Variants in CDH12 observed in about 807,000 individuals in gnomAD.
The protein encoded by CDH12 is cadherin 12.
CDH12 carries 41 observed loss-of-function variants against 74.1 expected under a neutral mutation model. That is an observed-to-expected ratio of 0.55 (90% CI 0.43 to 0.72). The LOEUF is 0.72. CDH12 is among the 30% of genes least tolerant of loss of function. The pLI, the probability that CDH12 is intolerant of heterozygous loss-of-function variation, is 0.00. For missense variants in CDH12, 945 were observed against 977.2 expected, an observed-to-expected ratio of 0.97 and a Z score of 0.44; for synonymous variants, 399 against 355.0, an observed-to-expected ratio of 1.12 and a Z score of -1.39.
At chr5:22,784,514 A>C (rs529019197) in intron 1 of CDH12, among the ~76,000 whole-genome samples, 22 of 152,206 alleles carry the variant, frequency 1.4e-4, no homozygotes, top group African/African-American at 5.3e-4. Flanking sequence ...TAAATTGGTC[A>C]CCACTAACTG....
intron 3 of CDH12, among the ~76,000 whole-genome samples, chr5:22,357,525 A>C (rs1464173951): frequency 6.6e-6 from 1 of 152,146 alleles, no homozygotes; most frequent in Non-Finnish European, 1.5e-5. Context: ...CTAATGAAGG[A>C]ATGGAGAAAA....
chr5:22,788,609 A>C (rs1747758928), intron 1 of CDH12, among the ~76,000 whole-genome samples: 2 of 148,220 alleles, frequency 1.3e-5, no homozygotes, highest in Admixed American at 1.4e-4. Flanking sequence ...AATACATGAA[A>C]TATATTAATA....
chr5:22,145,167 G>A (rs969308425), intron 4 of CDH12, among the ~76,000 whole-genome samples: 5 of 152,064 alleles, frequency 3.3e-5, no homozygotes, highest in Non-Finnish European at 4.4e-5. Flanking sequence ...TGCATTGTGT[G>A]AGAAAATAGC....
At chr5:21,957,892 T>C (rs2150107436) in intron 6 of CDH12, among the ~76,000 whole-genome samples, 1 of 152,302 alleles carries the variant, frequency 6.6e-6, no homozygotes, top group Non-Finnish European at 1.5e-5. Context: ...AATAGTTTCT[T>C]TTGCTATGCA....
At chr5:22,828,132 C>G (rs1039765722) in intron 1 of CDH12, among the ~76,000 whole-genome samples, 16 of 152,124 alleles carry the variant, frequency 1.1e-4, no homozygotes, top group African/African-American at 3.1e-4. Flanking sequence ...GGCAAATAAT[C>G]TGATTAGAAA....
At chr5:22,137,867 G>A (rs557498638) in intron 4 of CDH12, among the ~76,000 whole-genome samples, 10 of 152,198 alleles carry the variant, frequency 6.6e-5, no homozygotes, top group South Asian at 2.1e-4. Context: ...AATTTCTCTG[G>A]ATAACCTCTT....
chr5:22,173,626 G>A (rs535972313), intron 4 of CDH12, among the ~76,000 whole-genome samples: 1 of 151,574 alleles, frequency 6.6e-6, no homozygotes, highest in African/African-American at 2.4e-5. Context: ...CTTTCTATGA[G>A]ATGGTATGAT....
At chr5:22,383,037 GGC>G (rs1357681797) in intron 3 of CDH12, among the ~76,000 whole-genome samples, 1 of 151,992 alleles carries the variant, frequency 6.6e-6, no homozygotes, top group Non-Finnish European at 1.5e-5. Flanking sequence ...TCACTATGTT[GGC>G]CAGGCTGGTC....
At chr5:22,392,356 C>G (rs1400770697) in intron 3 of CDH12, among the ~76,000 whole-genome samples, 1 of 152,146 alleles carries the variant, frequency 6.6e-6, no homozygotes, top group Non-Finnish European at 1.5e-5. Context: ...AAAGCTAACA[C>G]TTGACCCCCA....
chr5:22,549,871 G>A (rs1738495104), intron 1 of CDH12, among the ~76,000 whole-genome samples: 1 of 152,160 alleles, frequency 6.6e-6, no homozygotes, highest in South Asian at 2.1e-4. Context: ...GGTCTCATAT[G>A]TGAGCTCCTC....
intron 13 of CDH12, among the ~76,000 whole-genome samples, chr5:21,759,310 T>G (rs1161082066): frequency 1.3e-5 from 2 of 152,062 alleles, no homozygotes; most frequent in African/African-American, 4.8e-5. Flanking sequence ...AGACAAATTT[T>G]ACACAAATTT....
intron 8 of CDH12, among the ~76,000 whole-genome samples, chr5:21,841,276 A>G (rs1343199528): frequency 6.6e-6 from 1 of 152,024 alleles, no homozygotes; most frequent in African/African-American, 2.4e-5. Flanking sequence ...ATCACTGGCC[A>G]TCAGAGAAAT....
intron 4 of CDH12, among the ~76,000 whole-genome samples, chr5:22,179,071 G>T (rs1222841506): frequency 1.3e-5 from 2 of 152,186 alleles, no homozygotes; most frequent in African/African-American, 2.4e-5. Context: ...GGATTAAAAT[G>T]ATCTCATAAA....
intron 1 of CDH12, among the ~76,000 whole-genome samples, chr5:22,806,245 C>T (rs180837317): frequency 1.3e-5 from 2 of 152,108 alleles, no homozygotes; most frequent in Admixed American, 1.3e-4. Flanking sequence ...CTGTCTTCCA[C>T]AATGGTTGAA....
chr5:21,846,622 C>A (rs1431318381), intron 7 of CDH12, among the ~76,000 whole-genome samples: 2 of 152,014 alleles, frequency 1.3e-5, no homozygotes, highest in Non-Finnish European at 2.9e-5. Flanking sequence ...ATTTTATTCT[C>A]ATTTTTTTCT....
At chr5:22,818,555 C>G (rs1749506970) in intron 1 of CDH12, among the ~76,000 whole-genome samples, 1 of 152,074 alleles carries the variant, frequency 6.6e-6, no homozygotes. Flanking sequence ...TGAAGAGGGA[C>G]AAGCAATGAC....
intron 2 of CDH12, among the ~76,000 whole-genome samples, chr5:22,504,732 C>T (rs994566790): frequency 1.3e-5 from 2 of 151,944 alleles, no homozygotes; most frequent in Non-Finnish European, 2.9e-5. Flanking sequence ...CAATTGCCAG[C>T]GCAAGAAACA....
intron 4 of CDH12, among the ~76,000 whole-genome samples, chr5:22,107,134 T>C (rs1405644330): frequency 2.3e-5 from 3 of 128,134 alleles, no homozygotes; most frequent in Middle Eastern, 3.6e-3. Context: ...ACATTTCTAC[T>C]TTTTTTTTTT....
intron 2 of CDH12, among the ~76,000 whole-genome samples, chr5:22,411,681 C>CAG (rs1743176332): frequency 6.6e-6 from 1 of 151,926 alleles, no homozygotes; most frequent in African/African-American, 2.4e-5. Context: ...TTTTCACTCA[C>CAG]ATAGTTTTGA....
Sources: gnomAD v4.1 joint callset for allele counts (sites outside exome capture counted in the v4.1 genomes callset) on GRCh38, gnomAD v4.1.1 for gene constraint, MANE v1.5 for transcripts, NCBI Gene and HGNC (gene_info 2026-07-23, HGNC 2026-07-21) for gene names.